Variants in NEMF observed in about 807,000 individuals in gnomAD.
NEMF encodes the protein nuclear export mediator factor.
A neutral mutation model predicts 162.2 loss-of-function variants in NEMF; 89 were observed. That is an observed-to-expected ratio of 0.55 (90% confidence interval 0.46 to 0.65). NEMF has a LOEUF of 0.65. Ranked by LOEUF, NEMF falls within the 30% of genes least tolerant of loss-of-function variation. NEMF has a pLI of 0.00. For missense variants in NEMF, 1,133 were observed against 1,261.9 expected (o/e 0.90, Z 1.55); for synonymous variants, 421 against 404.5 (o/e 1.04, Z -0.49).
At position 49,800,668 on chromosome 14, in the gene NEMF, A is replaced by AT; in HGVS notation, c.2123dup (p.Asp708GlufsTer2). ...CCACAGGAGTTTCATGTTCTTCTTT[A>AT]TCCTCATCACTGCTCGTGTCACCTC... On this transcript the variant is annotated frameshift_variant, in exon 23 of 33. Transcript: ENST00000298310. LOFTEE classifies it high-confidence loss of function. 6.2e-7 allele frequency: 1 copy of AT among 1,613,826 alleles called. No individual in the cohort carries two copies. Among genetic ancestry groups the AT allele is most frequent in the South Asian group, 1.1e-5 (1 of 91,070 alleles).
At chr14:49,822,542 T>C (rs1892127722) in intron 16 of NEMF, among the ~76,000 whole-genome samples, 2 of 149,640 alleles carry the variant, frequency 1.3e-5, no homozygotes, top group African/African-American at 4.9e-5. Context: ...AAAGTAATAA[T>C]GGCAGGGCCA....
At chr14:49,807,789 G>A (rs1278392979) in intron 18 of NEMF, among the ~76,000 whole-genome samples, 1 of 151,252 alleles carries the variant, frequency 6.6e-6, no homozygotes, top group Non-Finnish European at 1.5e-5. Flanking sequence ...TTTTTACTAG[G>A]GATGGGGTTT....
intron 19 of NEMF, among the ~76,000 whole-genome samples, chr14:49,805,503 GAA>G (rs11295089): frequency 2.7e-5 from 4 of 147,288 alleles, no homozygotes; most frequent in Admixed American, 1.4e-4. Context: ...TCTCTATAAA[GAA>G]AAAAAAAAAT....
rs751914554 is a variant in NEMF, at chr14:49,799,604, G to C, written c.2415+32C>G. ...AGTAGAAAATTATTCACTGAGAATC[G>C]GATGTTCTTCATAAAACTGAAAATA... On this transcript the variant is annotated intron_variant, in intron 24 of 32. Coordinates refer to ENST00000298310, the MANE Select transcript of NEMF (RefSeq NM_004713.6). The C allele has an allele frequency of 7.5e-6, 12 of 1,599,976 alleles. No homozygotes were observed. The South Asian group carries it at 1.4e-4, about 18-fold the overall frequency.
intron 4 of NEMF, 52 bp from the exon 5 acceptor site, chr14:49,840,918 C>T: frequency 6.5e-7 from 1 of 1,529,868 alleles, no homozygotes; most frequent in Non-Finnish European, 8.9e-7. Context: ...TTTTTGAGGC[C>T]AGGCACAGTG....
At position 49,838,631 on chromosome 14, in the gene NEMF, C is replaced by A. The variant is rs1475575670; in HGVS notation, c.507-425G>T. The stretch of plus-strand genomic sequence containing the variant: ...ACGGCATCTTGCTCTGTCGCCCAGG[C>A]TGCAGTACAGTGGCACGATCTCGGC... On this transcript the variant is annotated intron_variant, in intron 5 of 32. Coordinates refer to ENST00000298310, the MANE Select transcript of NEMF (RefSeq NM_004713.6). Among the ~76,000 whole-genome samples, 11 of 147,332 alleles carry A rather than the reference C, an allele frequency of 7.5e-5. No individual in the cohort carries two copies. The Admixed American group carries it at 7.6e-4, about 10-fold the overall frequency.
At chr14:49,792,630 T>G (rs927581129) in intron 26 of NEMF, among the ~76,000 whole-genome samples, 1 of 152,188 alleles carries the variant, frequency 6.6e-6, no homozygotes, top group African/African-American at 2.4e-5. Context: ...TATGAGAAAT[T>G]AGAAGCCAAT....
Position 49,829,628 on chromosome 14 carries a change from C to G in NEMF, c.946-202G>C, listed in dbSNP as rs540013666. 3.3e-5 allele frequency among the ~76,000 whole-genome samples: 5 copies of G among 152,244 alleles called. No homozygotes were observed. In the East Asian group the frequency reaches 7.7e-4, roughly 23 times the overall value. On this transcript the variant is annotated intron_variant, in intron 11 of 32. Transcript: ENST00000298310. Reference sequence around the variant, plus strand: ...ATTACTTCTCCTGTCTTCCTAACTCCCACTCCTTATATAGAAAGGTATTTT... The same window carrying G: ...ATTACTTCTCCTGTCTTCCTAACTCGCACTCCTTATATAGAAAGGTATTTT...
At chr14:49,809,461 G>C (rs1006747111) in intron 18 of NEMF, among the ~76,000 whole-genome samples, 9 of 152,180 alleles carry the variant, frequency 5.9e-5, no homozygotes, top group African/African-American at 2.2e-4. Flanking sequence ...GGATGAACAG[G>C]CAGGGCACAG....
intron 6 of NEMF, 146 bp from the exon 7 acceptor site, chr14:49,834,595 G>A (rs1398549451): frequency 3.6e-6 from 2 of 552,202 alleles, no homozygotes; most frequent in Non-Finnish European, 6.6e-6. Context: ...CCCACCTCCT[G>A]CCTCAGCCTC....
At chr14:49,840,948 G>C (rs1386704951) in intron 4 of NEMF, 82 bp from the exon 5 acceptor site, 3 of 1,269,474 alleles carry the variant, frequency 2.4e-6, no homozygotes, top group South Asian at 1.4e-5. Flanking sequence ...TGTAACCCCA[G>C]CACTGTGGAA....
At chr14:49,822,072 G>A (rs568865324) in intron 16 of NEMF, among the ~76,000 whole-genome samples, 40 of 151,944 alleles carry the variant, frequency 2.6e-4, no homozygotes, top group Middle Eastern at 3.4e-3. Flanking sequence ...GATTAAGGGC[G>A]GTGCAAGATG....
intron 18 of NEMF, 85 bp downstream of exon 18, chr14:49,813,903 C>T: frequency 1.3e-6 from 1 of 784,946 alleles, no homozygotes; most frequent in South Asian, 1.4e-5. Context: ...CACATCTGGC[C>T]CTCTATTAAA....
chr14:49,830,515 T>G (rs1294391607), intron 11 of NEMF, among the ~76,000 whole-genome samples: 2 of 152,274 alleles, frequency 1.3e-5, no homozygotes, highest in East Asian at 3.9e-4. Context: ...TGCCTCAGGC[T>G]CCTGAGTAGC....
At position 49,784,697 on chromosome 14, in the gene NEMF, C is replaced by G; in HGVS notation, c.3170G>C (p.Arg1057Thr). 5.6e-6 allele frequency: 9 copies of G among 1,612,678 alleles called. No individual in the cohort carries two copies. Among genetic ancestry groups the G allele is most frequent in the Non-Finnish European group, 7.6e-6 (9 of 1,179,034 alleles). ...FRSVKDTDLS[R>T]NIPGKVKVSA... ...CACTTTCACTTTGCCAGGAATGTTT[C>G]TTGATAAATCTGTGTCCTAAAAAAA... Residue 1057 changes from arginine to threonine, a missense_variant, in exon 33 of 33, where the codon AGA becomes ACA. Transcript: ENST00000298310.
chr14:49,790,087 A>AT (rs926919814), intron 26 of NEMF, among the ~76,000 whole-genome samples: 93 of 151,106 alleles, frequency 6.2e-4, no homozygotes, highest in African/African-American at 2.1e-3. Context: ...CACCCTAGAG[A>AT]TTTTTGTCTT....
intron 10 of NEMF, 92 bp downstream of exon 10, chr14:49,831,959 A>T: frequency 1.3e-6 from 1 of 773,752 alleles, no homozygotes; most frequent in Non-Finnish European, 2.1e-6. Context: ...ATGTAAAGCA[A>T]GTATAGTTTC....
intron 5 of NEMF, among the ~76,000 whole-genome samples, chr14:49,840,210 C>T (rs978123186): frequency 2.0e-5 from 3 of 152,074 alleles, no homozygotes; most frequent in African/African-American, 7.2e-5. Context: ...GCCTGTAATC[C>T]CAGCACTTTG....
intron 17 of NEMF, 33 bp from the exon 18 acceptor site, chr14:49,814,083 A>T: frequency 8.1e-7 from 1 of 1,242,124 alleles, no homozygotes; most frequent in Non-Finnish European, 1.2e-6. Flanking sequence ...ATGACACTTT[A>T]AGTCCTAATT....
Sources: gnomAD v4.1 joint callset for allele counts (sites outside exome capture counted in the v4.1 genomes callset) on GRCh38, gnomAD v4.1.1 for gene constraint, MANE v1.5 for transcripts, NCBI Gene and HGNC (gene_info 2026-07-23, HGNC 2026-07-21) for gene names.